Variants in SYN3 observed in about 807,000 individuals in gnomAD.
SYN3 encodes synapsin-3.
In SYN3, 35 loss-of-function variants were observed where a neutral mutation model predicts 65.8. That is an observed-to-expected ratio of 0.53 (90% confidence interval 0.41 to 0.70). The LOEUF is 0.70. Ranked by LOEUF, SYN3 falls within the 30% of genes least tolerant of loss-of-function variation. The pLI is 0.00. For synonymous variants in SYN3, 270 were observed against 292.9 expected (o/e 0.92, Z 0.80); for missense variants, 680 against 749.0 (o/e 0.91, Z 1.08).
intron 6 of SYN3, among the ~76,000 whole-genome samples, chr22:32,740,643 C>A (rs571480437): frequency 6.6e-6 from 1 of 152,188 alleles, no homozygotes; most frequent in Admixed American, 6.5e-5. Context: ...TGGACATAAC[C>A]CTGGGGTCAA....
chr22:32,934,504 T>C (rs1029300692), intron 3 of SYN3, among the ~76,000 whole-genome samples: 1 of 152,150 alleles, frequency 6.6e-6, no homozygotes, highest in African/African-American at 2.4e-5. Flanking sequence ...AGCAGAAAGG[T>C]GGCCTAGCAA....
intron 6 of SYN3, among the ~76,000 whole-genome samples, chr22:32,853,036 T>TGCATGTCCTGA (rs1211346611): frequency 1.1e-4 from 16 of 152,338 alleles, no homozygotes; most frequent in African/African-American, 3.8e-4. Flanking sequence ...TCATGTGCTT[T>TGCATGTCCTGA]GCATGTCCTG....
chr22:33,009,348 T>G (rs1292224158), intron 1 of SYN3, among the ~76,000 whole-genome samples: 1 of 152,184 alleles, frequency 6.6e-6, no homozygotes, highest in Non-Finnish European at 1.5e-5. Context: ...TGTTTTAAAT[T>G]TATTTTGTCT....
chr22:32,632,155 C>T (rs1395483193), intron 6 of SYN3, among the ~76,000 whole-genome samples: 2 of 152,344 alleles, frequency 1.3e-5, no homozygotes, highest in East Asian at 1.9e-4. Context: ...GGCCTGCGCC[C>T]ATATCACCAG....
chr22:32,899,334 T>G (rs2049694187), intron 4 of SYN3, among the ~76,000 whole-genome samples: 1 of 152,194 alleles, frequency 6.6e-6, no homozygotes. Flanking sequence ...CAGGGCACTG[T>G]GCTAAGAACT....
intron 6 of SYN3, among the ~76,000 whole-genome samples, chr22:32,836,778 G>A (rs988104561): frequency 6.6e-6 from 1 of 152,178 alleles, no homozygotes; most frequent in Non-Finnish European, 1.5e-5. Context: ...GAAGCTTGTG[G>A]AACTTAAAGG....
chr22:32,771,412 C>T (rs1477443650), intron 6 of SYN3, among the ~76,000 whole-genome samples: 1 of 152,186 alleles, frequency 6.6e-6, no homozygotes, highest in African/African-American at 2.4e-5. Flanking sequence ...CTCTTTGGGC[C>T]CCTGTGCACT....
At chr22:32,533,917 C>A (rs377600492) in intron 9 of SYN3, 22 bp from the exon 10 acceptor site, 10 of 1,575,178 alleles carry the variant, frequency 6.3e-6, no homozygotes, top group African/African-American at 4.0e-5. Context: ...GATGGACAGA[C>A]AGTGAAGTGG....
At chr22:32,978,602 G>C (rs55676703) in intron 3 of SYN3, among the ~76,000 whole-genome samples, 1 of 151,972 alleles carries the variant, frequency 6.6e-6, no homozygotes, top group Admixed American at 6.6e-5. Flanking sequence ...CTCCCTCCTC[G>C]AGGCCACACC....
At chr22:32,713,160 CT>C (rs766967983) in intron 6 of SYN3, among the ~76,000 whole-genome samples, 3 of 152,176 alleles carry the variant, frequency 2.0e-5, no homozygotes, top group Admixed American at 1.3e-4. Context: ...AAGCCAGCCA[CT>C]GTAATAGGCC....
At chr22:32,527,851 G>C in intron 12 of SYN3, 67 bp downstream of exon 12, 1 of 1,357,034 alleles carries the variant, frequency 7.4e-7, no homozygotes, top group Non-Finnish European at 1.0e-6. Context: ...AATCACATGT[G>C]GATCCCTCGG....
rs1161506269 is a variant in SYN3, at chr22:32,911,702, T to C, written c.461+19688A>G. Among the ~76,000 whole-genome samples, 5 of 151,918 alleles carry C rather than the reference T, an allele frequency of 3.3e-5. No individual in the cohort carries two copies. The South Asian group carries it at 1.0e-3, about 32-fold the overall frequency. ...GGGAAACTGAACGGGAGCCAAACCA[T>C]CATGTGGTGAACAAATGCTGTGATC... On this transcript the variant is annotated intron_variant, in intron 4 of 13. Coordinates refer to ENST00000358763, the MANE Select transcript of SYN3 (RefSeq NM_003490.4).
At chr22:32,865,939 G>C (rs1026950768) in intron 5 of SYN3, among the ~76,000 whole-genome samples, 1 of 152,138 alleles carries the variant, frequency 6.6e-6, no homozygotes, top group Non-Finnish European at 1.5e-5. Context: ...AGGGCCCTCC[G>C]GGTGTGCATT....
chr22:32,915,615 A>T (rs1210484474), intron 4 of SYN3, among the ~76,000 whole-genome samples: 1 of 152,200 alleles, frequency 6.6e-6, no homozygotes, highest in Non-Finnish European at 1.5e-5. Context: ...TAGCAAGTGC[A>T]AAGGCCCTGA....
At chr22:32,742,382 C>T (rs550083890) in intron 6 of SYN3, among the ~76,000 whole-genome samples, 19 of 152,234 alleles carry the variant, frequency 1.2e-4, no homozygotes, top group African/African-American at 4.1e-4. Flanking sequence ...CTTATAGGAT[C>T]TCATGGAAAT....
At chr22:32,766,668 A>G (rs528518963) in intron 6 of SYN3, among the ~76,000 whole-genome samples, 2 of 152,260 alleles carry the variant, frequency 1.3e-5, no homozygotes, top group South Asian at 4.2e-4. Flanking sequence ...TACTTTCATC[A>G]TGTCACTGAG....
chr22:32,791,206 T>C (rs933711527), intron 6 of SYN3, among the ~76,000 whole-genome samples: 1 of 152,230 alleles, frequency 6.6e-6, no homozygotes, highest in Non-Finnish European at 1.5e-5. Context: ...ACCTGGCACA[T>C]AGCAGCGCTC....
At chr22:32,930,298 G>T (rs2050592421) in intron 4 of SYN3, among the ~76,000 whole-genome samples, 1 of 152,102 alleles carries the variant, frequency 6.6e-6, no homozygotes, top group Non-Finnish European at 1.5e-5. Flanking sequence ...AGATCTAACG[G>T]TTTTATAAAG....
intron 3 of SYN3, among the ~76,000 whole-genome samples, chr22:32,978,113 C>T (rs541063967): frequency 2.0e-5 from 3 of 152,228 alleles, no homozygotes; most frequent in East Asian, 1.9e-4. Context: ...ATCACTCTAG[C>T]GTTGGGATGA....
Sources: gnomAD v4.1 joint callset for allele counts (sites outside exome capture counted in the v4.1 genomes callset) on GRCh38, gnomAD v4.1.1 for gene constraint, MANE v1.5 for transcripts, NCBI Gene and HGNC (gene_info 2026-07-23, HGNC 2026-07-21) for gene names.